The following SUPT3H variants were observed in gnomAD, a reference collection of about 807,000 sequenced individuals.
SUPT3H encodes the protein transcription initiation protein SPT3 homolog.
Under a neutral mutation model 44.3 loss-of-function variants are expected in SUPT3H, and 44 were observed. The ratio of observed to expected loss-of-function variants is 0.99; its 90% CI spans 0.78 to 1.28. SUPT3H has a LOEUF of 1.28. Ranked by LOEUF, SUPT3H falls within the 50% of genes most tolerant of loss-of-function variation. The pLI is 0.00. For synonymous variants in SUPT3H, 124 were observed against 125.6 expected, an observed-to-expected ratio of 0.99 and a Z score of 0.09; for missense variants, 380 against 387.1, an observed-to-expected ratio of 0.98 and a Z score of 0.15.
At chr6:44,867,984 A>G (rs1475303886) in intron 10 of SUPT3H, among the ~76,000 whole-genome samples, 1 of 137,972 alleles carries the variant, frequency 7.2e-6, no homozygotes, top group African/African-American at 2.7e-5. Context: ...TTTTTCTCCC[A>G]TGCTAACACA....
intron 2 of SUPT3H, among the ~76,000 whole-genome samples, chr6:45,353,985 A>AT (rs1302519391): frequency 2.6e-5 from 4 of 152,264 alleles, no homozygotes; most frequent in African/African-American, 9.6e-5. Flanking sequence ...TGGCCAAAGT[A>AT]TTTTCAAGCT....
intron 2 of SUPT3H, among the ~76,000 whole-genome samples, chr6:45,327,346 T>G (rs1786528448): frequency 6.6e-6 from 1 of 151,960 alleles, no homozygotes; most frequent in South Asian, 2.1e-4. Flanking sequence ...ACAATCTACA[T>G]TATAACATAA....
intron 10 of SUPT3H, among the ~76,000 whole-genome samples, chr6:44,889,095 C>T (rs1336791661): frequency 6.6e-6 from 1 of 151,418 alleles, no homozygotes; most frequent in South Asian, 2.1e-4. Context: ...AACTACAAAC[C>T]ACTGCTCAAT....
intron 2 of SUPT3H, among the ~76,000 whole-genome samples, chr6:45,293,205 A>G (rs1780588832): frequency 6.6e-6 from 1 of 152,176 alleles, no homozygotes; most frequent in Non-Finnish European, 1.5e-5. Context: ...ACGCAAATAC[A>G]TGGAAATTAA....
intron 10 of SUPT3H, among the ~76,000 whole-genome samples, chr6:44,834,888 G>A (rs1282580891): frequency 6.6e-6 from 1 of 152,078 alleles, no homozygotes; most frequent in African/African-American, 2.4e-5. Context: ...AGGGGAGGGG[G>A]AAGGAAGGAA....
chr6:45,129,675 T>A (rs1238854879), intron 2 of SUPT3H, among the ~76,000 whole-genome samples: 1 of 152,142 alleles, frequency 6.6e-6, no homozygotes, highest in Non-Finnish European at 1.5e-5. Flanking sequence ...TTTAATAAAT[T>A]TAAAAATAAA....
At chr6:44,906,161 C>G (rs1417645094) in intron 10 of SUPT3H, among the ~76,000 whole-genome samples, 1 of 152,012 alleles carries the variant, frequency 6.6e-6, no homozygotes, top group African/African-American at 2.4e-5. Context: ...TACCCTAAAA[C>G]CTAAAGTATA....
intron 3 of SUPT3H, among the ~76,000 whole-genome samples, chr6:45,028,928 A>G (rs1168311140): frequency 6.7e-6 from 1 of 149,428 alleles, no homozygotes; most frequent in African/African-American, 2.4e-5. Flanking sequence ...AAAAGAAAGA[A>G]AGATAAAAGG....
At chr6:44,867,947 C>T (rs1247942220) in intron 10 of SUPT3H, among the ~76,000 whole-genome samples, 2 of 144,788 alleles carry the variant, frequency 1.4e-5, no homozygotes, top group Non-Finnish European at 3.0e-5. Flanking sequence ...CCATCCCTAC[C>T]TTCTCAACCA....
At chr6:44,889,037 T>C (rs1438610641) in intron 10 of SUPT3H, among the ~76,000 whole-genome samples, 7 of 148,744 alleles carry the variant, frequency 4.7e-5, no homozygotes, top group African/African-American at 1.7e-4. Flanking sequence ...GAGAATAAAA[T>C]ACCTAGGAAT....
rs1397738528 is a variant in SUPT3H at position 44,827,359 on chromosome 6, T to C, written c.*2457A>G. ...AAATATGCCATAAAACCCCAACATG[T>C]CTTAGTAATATTCTTATGCTAACCC... is the stretch of plus-strand genomic sequence containing the variant. On this transcript the variant is annotated 3_prime_UTR_variant, in exon 11 of 11. Coordinates refer to ENST00000371459, the MANE Select transcript of SUPT3H (RefSeq NM_003599.4). Among the ~76,000 whole-genome samples the C allele has an allele frequency of 6.6e-6, 1 of 152,072 alleles. No homozygotes were observed. The highest frequency in any genetic ancestry group is 1.5e-5 in the Non-Finnish European group (1 of 67,958).
At chr6:45,221,962 G>A (rs1025525809) in intron 2 of SUPT3H, among the ~76,000 whole-genome samples, 32 of 152,124 alleles carry the variant, frequency 2.1e-4, no homozygotes, top group Middle Eastern at 3.4e-3. Flanking sequence ...ACAGAACGCA[G>A]AAATGGACCA....
chr6:45,150,975 C>G (rs890200818), intron 2 of SUPT3H, among the ~76,000 whole-genome samples: 3 of 152,178 alleles, frequency 2.0e-5, no homozygotes, highest in African/African-American at 7.2e-5. Context: ...CCTGCCTCGG[C>G]CTCCCAAAGT....
intron 10 of SUPT3H, among the ~76,000 whole-genome samples, chr6:44,835,091 C>T (rs1769580517): frequency 6.6e-6 from 1 of 152,026 alleles, no homozygotes. Context: ...ATATACATAG[C>T]TGAAAGGTTC....
intron 10 of SUPT3H, among the ~76,000 whole-genome samples, chr6:44,915,807 C>T (rs528062139): frequency 6.6e-6 from 1 of 152,198 alleles, no homozygotes; most frequent in African/African-American, 2.4e-5. Context: ...TTCAAGGTGT[C>T]CCGCCTTTCT....
intron 2 of SUPT3H, among the ~76,000 whole-genome samples, chr6:45,114,064 T>C (rs989013758): frequency 3.3e-5 from 5 of 151,906 alleles, no homozygotes; most frequent in South Asian, 4.1e-4. Flanking sequence ...TTATTTATGA[T>C]ATAAAATAAA....
At chr6:45,133,675 T>G (rs1803830908) in intron 2 of SUPT3H, among the ~76,000 whole-genome samples, 1 of 152,186 alleles carries the variant, frequency 6.6e-6, no homozygotes, top group Non-Finnish European at 1.5e-5. Context: ...TCTGTGGATA[T>G]TTTTTCCGGA....
chr6:45,334,609 C>A (rs1002727114), intron 2 of SUPT3H, among the ~76,000 whole-genome samples: 2 of 151,046 alleles, frequency 1.3e-5, no homozygotes, highest in African/African-American at 4.8e-5. Context: ...TGTATTTTTA[C>A]ACCGAAACAA....
At chr6:44,909,147 G>GTA (rs1194734754) in intron 10 of SUPT3H, among the ~76,000 whole-genome samples, 1 of 135,008 alleles carries the variant, frequency 7.4e-6, no homozygotes, top group Non-Finnish European at 1.6e-5. Flanking sequence ...GTGTGCGTGT[G>GTA]TGTGTGTGTG....
Sources: allele counts gnomAD v4.1 joint callset (sites outside exome capture counted in the v4.1 genomes callset), GRCh38; gene constraint gnomAD v4.1.1; transcripts MANE v1.5; gene names NCBI Gene and HGNC (gene_info 2026-07-23, HGNC 2026-07-21).